SPACA6: variants seen among roughly 807,000 people sequenced by gnomAD.
SPACA6 encodes sperm acrosome membrane-associated protein 6.
For synonymous variants in SPACA6, 6 were observed against 1.5 expected (o/e 4.05, Z -2.21); for missense variants, 8 against 2.8 (o/e 2.88, Z -1.34).
chr19:51,693,121 C>T (rs896783063), upstream of SPACA6: 10 of 388,392 alleles, frequency 2.6e-5, no homozygotes, highest in African/African-American at 1.7e-4. Context: ...AGGTCTCTGC[C>T]CCTCCCGATA....
chr19:51,692,761 TCGGGTCTGTCCACCTGC>T, upstream of SPACA6: 1 of 534,472 alleles, frequency 1.9e-6, no homozygotes, highest in Non-Finnish European at 3.8e-6. This position sits in a 1 kb window ranked among gnomAD's most constrained non-coding sequence, Gnocchi z 5.6. Flanking sequence ...TGTCTGTCTG[TCGGGTCTGTCCACCTGC>T]CGCGCCCCCC....
At chr19:51,697,884 C>G (rs2083441770) in intron 2 of SPACA6, among the ~76,000 whole-genome samples, 2 of 152,184 alleles carry the variant, frequency 1.3e-5, no homozygotes, top group Non-Finnish European at 1.5e-5. Flanking sequence ...GACCACTTCT[C>G]TAATCTCCCC....
chr19:51,702,619 T>A lies in SPACA6; in HGVS notation c.362-10T>A. 2.5e-6 allele frequency: 1 copy of A among 399,086 alleles called. No homozygotes were observed. The highest frequency in any genetic ancestry group is 4.4e-6 in the Non-Finnish European group (1 of 226,148). The allele number at this position is 399,086 out of a possible 1,614,324, so 24.7% of individuals were successfully genotyped here. A position where few individuals can be genotyped will look rare whatever the true frequency, so the allele number is the denominator to read the frequency against. ...ACTGTAAGGTAGTGATGTTTCCTCT[T>A]CCTCCACAGCCCAGGCTTGCATCCC... On this transcript the variant is annotated splice_polypyrimidine_tract_variant and intron_variant, in intron 3 of 8. Transcript: ENST00000637797.
At chr19:51,708,491 A>T (rs2083526754), downstream of SPACA6, among the ~76,000 whole-genome samples, 2 of 152,298 alleles carry the variant, frequency 1.3e-5, no homozygotes, top group South Asian at 4.2e-4. Flanking sequence ...TAAAAACTTG[A>T]AGGGGATGAC....
chr19:51,686,543 G>C (rs1348645379), upstream of SPACA6: 1 of 152,172 alleles, frequency 6.6e-6, no homozygotes, highest in Admixed American at 6.6e-5. Flanking sequence ...GTCTGACAAA[G>C]GGTCCTTCTT....
intron 2 of SPACA6, among the ~76,000 whole-genome samples, chr19:51,700,029 G>A (rs1278017427): frequency 2.6e-5 from 4 of 152,118 alleles, no homozygotes; most frequent in Admixed American, 6.6e-5. Context: ...CGAGGCAGGC[G>A]GATCACCTGA....
At chr19:51,692,584 G>A (rs1409328054), upstream of SPACA6, 1 of 516,224 alleles carries the variant, frequency 1.9e-6, no homozygotes. The surrounding 1 kb of genome is among the most constrained non-coding windows in gnomAD (Gnocchi z 5.6). Context: ...TGGGGAGGAG[G>A]GGCCGGGGGC....
chr19:51,695,344 T>C (rs1448091946), intron 2 of SPACA6, among the ~76,000 whole-genome samples: 1 of 152,106 alleles, frequency 6.6e-6, no homozygotes, highest in East Asian at 1.9e-4. Flanking sequence ...CCCCACGAGG[T>C]GCCAGACCCT....
At chr19:51,693,049 C>A, upstream of SPACA6, 1 of 362,708 alleles carries the variant, frequency 2.8e-6, no homozygotes. Flanking sequence ...TCTGCTGTGT[C>A]TCTGTGGCTT....
At chr19:51,687,867 C>T (rs10405559), upstream of SPACA6, 7,789 of 152,472 alleles carry the variant, frequency 0.051, 231 homozygotes, top group East Asian at 0.087. Flanking sequence ...CTGTTTCCCG[C>T]CCACAGGTTC....
chr19:51,707,263 A>C (rs570194255), downstream of SPACA6, among the ~76,000 whole-genome samples: 1 of 141,422 alleles, frequency 7.1e-6, no homozygotes, highest in South Asian at 2.2e-4. Context: ...TTTGAGATGG[A>C]GTCCTGGAGT....
upstream of SPACA6, among the ~76,000 whole-genome samples, chr19:51,690,963 G>C (rs2083365758): frequency 6.6e-6 from 1 of 151,862 alleles, no homozygotes; most frequent in South Asian, 2.1e-4. Flanking sequence ...ACCTTGGCCT[G>C]ACTCTCGCCC....
intron 2 of SPACA6, among the ~76,000 whole-genome samples, chr19:51,698,021 C>T (rs762811379): frequency 5.3e-5 from 8 of 152,132 alleles, no homozygotes; most frequent in Non-Finnish European, 1.0e-4. Flanking sequence ...AATCATTAAA[C>T]GATGCCATGG....
chr19:51,710,630 T>G (rs1007037781), intron 2 of SPACA6, among the ~76,000 whole-genome samples: 1 of 152,144 alleles, frequency 6.6e-6, no homozygotes, highest in African/African-American at 2.4e-5. Flanking sequence ...GAAGATCTGT[T>G]TGGGAGTCCC....
upstream of SPACA6, among the ~76,000 whole-genome samples, chr19:51,691,813 A>AGGGTGGGTGCTG (rs2083375904): frequency 1.5e-5 from 1 of 66,540 alleles, no homozygotes. Context: ...AGGGGTGGGG[A>AGGGTGGGTGCTG]GGGTGGGTGC....
At chr19:51,705,603 A>G (rs1396535237), downstream of SPACA6, among the ~76,000 whole-genome samples, 1 of 150,052 alleles carries the variant, frequency 6.7e-6, no homozygotes, top group African/African-American at 2.5e-5. Flanking sequence ...AGTCACCCCC[A>G]CCTCATGTCT....
intron 2 of SPACA6, among the ~76,000 whole-genome samples, chr19:51,696,395 G>A (rs1305434414): frequency 6.6e-6 from 1 of 152,146 alleles, no homozygotes; most frequent in African/African-American, 2.4e-5. Flanking sequence ...TAGTATGTCA[G>A]TTGGTGATCC....
At chr19:51,692,879 G>C (rs1254211045), upstream of SPACA6, 1 of 533,938 alleles carries the variant, frequency 1.9e-6, no homozygotes, top group Non-Finnish European at 3.9e-6. This position sits in a 1 kb window ranked among gnomAD's most constrained non-coding sequence, Gnocchi z 5.6. Flanking sequence ...GCCCTGCACG[G>C]GACGGGGCCC....
At chr19:51,692,553 G>A (rs1469461293), upstream of SPACA6, 4 of 492,418 alleles carry the variant, frequency 8.1e-6, no homozygotes, top group Admixed American at 5.0e-5. This position sits in a 1 kb window ranked among gnomAD's most constrained non-coding sequence, Gnocchi z 5.6. Flanking sequence ...AGGGGCTGAG[G>A]GCCTGGACTC....
Sources: gnomAD v4.1 joint callset for allele counts (sites outside exome capture counted in the v4.1 genomes callset) on GRCh38, gnomAD v4.1.1 for gene constraint, Gnocchi (gnomAD v3.1) non-coding constraint, MANE v1.5 for transcripts, NCBI Gene and HGNC (gene_info 2026-07-23, HGNC 2026-07-21) for gene names.